SUV39H2: variants seen among roughly 807,000 people sequenced by gnomAD.
The protein encoded by SUV39H2 is SUV39H2 histone lysine methyltransferase.
SUV39H2 carries 10 observed loss-of-function variants against 47.5 expected under a neutral mutation model. The observed-to-expected ratio is 0.21, with a 90% CI of 0.13 to 0.36. SUV39H2 has a LOEUF of 0.36. SUV39H2 is among the 10% of genes least tolerant of loss of function. The pLI is 1.00. For missense variants in SUV39H2, 266 were observed against 487.4 expected (o/e 0.55, Z 4.28); for synonymous variants, 159 against 166.8 (o/e 0.95, Z 0.36).
At chr10:14,890,019 C>T (rs2131683378) in intron 2 of SUV39H2, among the ~76,000 whole-genome samples, 1 of 152,276 alleles carries the variant, frequency 6.6e-6, no homozygotes, top group East Asian at 1.9e-4. Flanking sequence ...TTGCCTATAG[C>T]TTTGGTTTCT....
At chr10:14,901,675 GA>G (rs1175440700) in intron 5 of SUV39H2, among the ~76,000 whole-genome samples, 1 of 151,464 alleles carries the variant, frequency 6.6e-6, no homozygotes, top group Admixed American at 6.6e-5. Context: ...TACAAAATAT[GA>G]AAAAACTAGC....
chr10:14,901,036 T>TA (rs2131722102), intron 4 of SUV39H2, 97 bp from the exon 5 acceptor site: 1 of 1,485,724 alleles, frequency 6.7e-7, no homozygotes, highest in East Asian at 2.3e-5. Flanking sequence ...CAGTGGAACT[T>TA]AAACTAAATC....
chr10:14,890,955 AT>A (rs1833370644), intron 2 of SUV39H2, among the ~76,000 whole-genome samples: 1 of 152,028 alleles, frequency 6.6e-6, no homozygotes. Flanking sequence ...TTTTTTTGTT[AT>A]ACATTCAGAA....
At chr10:14,879,065 G>C in intron 1 of SUV39H2, 146 bp downstream of exon 1, 1 of 1,309,388 alleles carries the variant, frequency 7.6e-7, no homozygotes, top group Non-Finnish European at 9.7e-7. Flanking sequence ...CGCACGCTGC[G>C]GACGCCTATC....
At chr10:14,892,340 C>G (rs797019820) in intron 2 of SUV39H2, among the ~76,000 whole-genome samples, 6 of 152,320 alleles carry the variant, frequency 3.9e-5, no homozygotes, top group African/African-American at 1.4e-4. Context: ...CAATAAAGTT[C>G]AAGTGTCTCA....
At chr10:14,894,782 C>G (rs866208924) in intron 2 of SUV39H2, among the ~76,000 whole-genome samples, 18 of 152,158 alleles carry the variant, frequency 1.2e-4, no homozygotes, top group South Asian at 4.1e-4. Flanking sequence ...GCGCCTGGTT[C>G]CTGCACAGCT....
rs1373709912 is a variant in SUV39H2 at position 14,903,825 on chromosome 10, T to A, written c.*1313T>A. 1 of 152,220 alleles carries A rather than the reference T, an allele frequency of 6.6e-6. No homozygotes were observed. The highest frequency in any genetic ancestry group is 1.5e-5 in the Non-Finnish European group (1 of 68,044). 9.4% of individuals were successfully genotyped at this position (152,220 alleles called of 1,614,324 possible). A position where few individuals can be genotyped will look rare whatever the true frequency, so the allele number is the denominator to read the frequency against. On this transcript the variant is annotated 3_prime_UTR_variant, in exon 6 of 6. Transcript: ENST00000354919. The stretch of plus-strand genomic sequence containing the variant: ...TAAGCTCATTGCTCCAGGCTTTGAT[T>A]ACCTAAAATAAGCTTGGATAAAATT...
intron 5 of SUV39H2, among the ~76,000 whole-genome samples, chr10:14,901,839 CTA>C (rs1423840693): frequency 1.3e-5 from 2 of 151,838 alleles, no homozygotes; most frequent in African/African-American, 4.8e-5. Context: ...AAAAAAAAAA[CTA>C]TAAGCCTACA....
In SUV39H2 at chr10:14,894,524, C is replaced by T. The variant is rs1197415108; in HGVS notation, c.178-2322C>T. Reference sequence around the variant, plus strand: ...CTGGGACTACAGGCGCCCGCCACCACGCCCGGCTAATTTTTTGTATTTTTA... The same window carrying T: ...CTGGGACTACAGGCGCCCGCCACCATGCCCGGCTAATTTTTTGTATTTTTA... On this transcript the variant is annotated intron_variant, in intron 2 of 5. Transcript: ENST00000354919. Among the ~76,000 whole-genome samples the T allele has an allele frequency of 6.2e-5, 7 of 112,176 alleles. 1 individual carries two copies. The highest frequency in any genetic ancestry group is 1.2e-4 in the Non-Finnish European group (7 of 59,476). 73.6% of individuals were successfully genotyped at this position (112,176 alleles called of 152,430 possible).
chr10:14,897,647 A>G (rs1184727722), intron 3 of SUV39H2, 130 bp downstream of exon 3: 3 of 837,646 alleles, frequency 3.6e-6, no homozygotes, highest in Non-Finnish European at 4.9e-6. Context: ...GTAGAAATTT[A>G]TTCAGATTTA....
chr10:14,894,503 G>C (rs1833501051), intron 2 of SUV39H2, among the ~76,000 whole-genome samples: 1 of 111,340 alleles, frequency 9.0e-6, no homozygotes, highest in South Asian at 3.3e-4. Context: ...GTGTAGCTGG[G>C]ACTACAGGCG....
chr10:14,903,942 C>G lies in SUV39H2; in HGVS notation c.*1430C>G, dbSNP rs1309235094. 2.0e-5 allele frequency: 3 copies of G among 152,164 alleles called. No homozygotes were observed. The allele number at this position is 152,164 out of a possible 1,614,324, so 9.4% of individuals were successfully genotyped here. A position where few individuals can be genotyped will look rare whatever the true frequency, so the allele number is the denominator to read the frequency against. The stretch of plus-strand genomic sequence containing the variant: ...TCATTATATTGCTATGACAACTTCA[C>G]TCTTTCATAATATATAGGATAAATT... On this transcript the variant is annotated 3_prime_UTR_variant, in exon 6 of 6. Coordinates refer to ENST00000354919, the MANE Select transcript of SUV39H2 (RefSeq NM_001193424.2).
chr10:14,890,180 A>G (rs1466565558), intron 2 of SUV39H2, among the ~76,000 whole-genome samples: 1 of 152,244 alleles, frequency 6.6e-6, no homozygotes, highest in Non-Finnish European at 1.5e-5. Flanking sequence ...AAATCATTAT[A>G]CTACAACCTG....
At chr10:14,889,868 GCAT>G (rs796636013) in intron 2 of SUV39H2, among the ~76,000 whole-genome samples, 5 of 152,284 alleles carry the variant, frequency 3.3e-5, no homozygotes, top group African/African-American at 1.2e-4. Context: ...TTTTTCTGCA[GCAT>G]TATTGTTGCT....
chr10:14,881,664 C>T lies in SUV39H2; in HGVS notation c.177+19C>T, dbSNP rs776402406. On this transcript the variant is annotated intron_variant, in intron 2 of 5. Transcript: ENST00000354919. ...AGTAAAGGTAAGGCAAATATCTAGC[C>T]CCTTACAAGAGACCTAATCAGACTT... The T allele has an allele frequency of 1.7e-4, 260 of 1,494,570 alleles. No individual in the cohort carries two copies. The highest frequency in any genetic ancestry group is 2.3e-4 in the Non-Finnish European group (255 of 1,123,172). The allele number at this position is 1,494,570 out of a possible 1,614,324, so 92.6% of individuals were successfully genotyped here.
chr10:14,881,511 C>T lies in SUV39H2; in HGVS notation c.43C>T (p.Pro15Ser). 2 of 1,559,198 alleles carry T rather than the reference C, an allele frequency of 1.3e-6. No individual in the cohort carries two copies. The highest frequency in any genetic ancestry group is 1.7e-6 in the Non-Finnish European group (2 of 1,156,918). Residue 15 changes from proline (P) to serine (S), a missense_variant, in exon 2 of 6, where the codon CCT becomes TCT. Physicochemically the swap from Pro to Ser is moderately conservative, Grantham distance 74. Coordinates refer to ENST00000354919, the MANE Select transcript of SUV39H2 (RefSeq NM_001193424.2). ...TTTTCTTATTGTAGCTTGGTGTGTG[C>T]CTTGCCTAGTTTCACTTGATACTCT... ...GAEARGAWCV[P>S]CLVSLDTLQE... is the part of the protein sequence containing the mutation.
intron 3 of SUV39H2, 159 bp downstream of exon 3, chr10:14,897,676 A>T (rs1833680523): frequency 5.3e-6 from 3 of 563,438 alleles, no homozygotes; most frequent in Admixed American, 4.2e-5. Flanking sequence ...GTTCACTGGC[A>T]TATTTAGAAA....
chr10:14,894,908 G>A (rs1325422047), intron 2 of SUV39H2, among the ~76,000 whole-genome samples: 1 of 152,050 alleles, frequency 6.6e-6, no homozygotes, highest in East Asian at 1.9e-4. Flanking sequence ...ATGGACCTCT[G>A]TACTTTGTAA....
chr10:14,902,778 C>T lies in SUV39H2; in HGVS notation c.*266C>T. On this transcript the variant is annotated 3_prime_UTR_variant, in exon 6 of 6. Transcript: ENST00000354919. ...CTATTTACAGCTTAGTATATGTGTA[C>T]TTAAGTCTATGTGAACAGAGAAATG... 1 of 224,368 alleles carries T rather than the reference C, an allele frequency of 4.5e-6. No individual in the cohort carries two copies. Among genetic ancestry groups the T allele is most frequent in the Non-Finnish European group, 8.8e-6 (1 of 113,222 alleles). 13.9% of individuals were successfully genotyped at this position (224,368 alleles called of 1,614,324 possible).
Sources: allele counts gnomAD v4.1 joint callset (sites outside exome capture counted in the v4.1 genomes callset), GRCh38; gene constraint gnomAD v4.1.1; transcripts MANE v1.5; gene names NCBI Gene and HGNC (gene_info 2026-07-23, HGNC 2026-07-21).